The following ULK4 variants were observed in gnomAD, a reference collection of about 807,000 sequenced individuals.
The protein encoded by ULK4 is inactive serine/threonine-protein kinase ULK4.
In ULK4, 133 loss-of-function variants were observed where a neutral mutation model predicts 160.6. That is an observed-to-expected ratio of 0.83 (90% CI 0.72 to 0.96). ULK4 has a LOEUF of 0.96. Ranked by LOEUF, ULK4 falls within the 40% of genes least tolerant of loss-of-function variation. ULK4 has a pLI of 0.00. For synonymous variants in ULK4, 534 were observed against 539.8 expected (o/e 0.99, Z 0.15); for missense variants, 1,580 against 1,499.5 (o/e 1.05, Z -0.89).
At chr3:41,523,129 G>C (rs1049977341) in intron 32 of ULK4, among the ~76,000 whole-genome samples, 2 of 151,922 alleles carry the variant, frequency 1.3e-5, no homozygotes, top group African/African-American at 2.4e-5. Context: ...GGCTGGTCAC[G>C]AACTCCTGAC....
intron 19 of ULK4, among the ~76,000 whole-genome samples, chr3:41,817,090 G>GTGTGTA (rs1017828702): frequency 6.6e-6 from 1 of 151,476 alleles, no homozygotes; most frequent in African/African-American, 2.4e-5. Context: ...GTGTGTGTGT[G>GTGTGTA]TACTCACGCA....
intron 31 of ULK4, among the ~76,000 whole-genome samples, chr3:41,583,225 A>G (rs947488249): frequency 6.6e-6 from 1 of 152,218 alleles, no homozygotes; most frequent in African/African-American, 2.4e-5. Flanking sequence ...AATGATGGAA[A>G]TAGTAAGAAA....
chr3:41,371,504 G>A (rs916507453), intron 35 of ULK4, among the ~76,000 whole-genome samples: 1 of 152,174 alleles, frequency 6.6e-6, no homozygotes, highest in East Asian at 1.9e-4. Context: ...CAGGCAAACA[G>A]GGTCTGAAGT....
At chr3:41,337,089 GACTA>G (rs1415677503) in intron 35 of ULK4, among the ~76,000 whole-genome samples, 3 of 152,160 alleles carry the variant, frequency 2.0e-5, no homozygotes, top group Admixed American at 6.5e-5. Flanking sequence ...GGCTCAGAGA[GACTA>G]CATGCCGCAT....
intron 18 of ULK4, among the ~76,000 whole-genome samples, chr3:41,829,503 T>G (rs1193630050): frequency 5.3e-5 from 8 of 152,032 alleles, no homozygotes; most frequent in African/African-American, 1.9e-4. Context: ...CAGACTCTTC[T>G]CAAAAGAAGA....
intron 2 of ULK4, among the ~76,000 whole-genome samples, chr3:41,938,630 T>C (rs1439858207): frequency 6.6e-6 from 1 of 152,116 alleles, no homozygotes; most frequent in Non-Finnish European, 1.5e-5. Flanking sequence ...TGCAGGGTGC[T>C]GAGACTGCGC....
At chr3:41,810,234 C>A (rs377182857) in intron 19 of ULK4, among the ~76,000 whole-genome samples, 4 of 152,108 alleles carry the variant, frequency 2.6e-5, no homozygotes, top group Non-Finnish European at 5.9e-5. Context: ...TGTTTTATTT[C>A]TTTCATGTGT....
chr3:41,794,660 C>CAAAAAAAAAAAAAAAA lies in ULK4; in HGVS notation c.2011-4833_2011-4818dup, dbSNP rs71075484. 5.2e-3 allele frequency among the ~76,000 whole-genome samples: 98 copies of CAAAAAAAAAAAAAAAA among 18,982 alleles called. 6 individuals carry two copies. The highest frequency in any genetic ancestry group is 6.7e-3 in the Non-Finnish European group (71 of 10,634). The allele number at this position is 18,982 out of a possible 152,430, so 12.5% of individuals were successfully genotyped here. ...TGGGTGACAGAGCAAGACTCTGTCT[C>CAAAAAAAAAAAAAAAA]AAAAAAAAAAAAAAAAAAAAAAAAA... On this transcript the variant is annotated intron_variant, in intron 20 of 36. Coordinates refer to ENST00000301831, the MANE Select transcript of ULK4 (RefSeq NM_017886.4).
At chr3:41,334,940 A>G (rs1236715090) in intron 35 of ULK4, among the ~76,000 whole-genome samples, 2 of 152,220 alleles carry the variant, frequency 1.3e-5, no homozygotes, top group African/African-American at 4.8e-5. Context: ...AGGGGAAGGG[A>G]CTGCCAAAAT....
At chr3:41,872,209 A>G (rs1341031124) in intron 17 of ULK4, among the ~76,000 whole-genome samples, 1 of 152,120 alleles carries the variant, frequency 6.6e-6, no homozygotes, top group African/African-American at 2.4e-5. Flanking sequence ...GCCCCTCTTT[A>G]CTTGGTGAGA....
intron 31 of ULK4, among the ~76,000 whole-genome samples, chr3:41,599,567 T>G (rs2031920393): frequency 7.0e-6 from 1 of 142,076 alleles, no homozygotes; most frequent in Non-Finnish European, 1.5e-5. Context: ...TTCTTTTTCT[T>G]TTTTTTTTTT....
intron 32 of ULK4, among the ~76,000 whole-genome samples, chr3:41,546,605 G>A (rs536438642): frequency 9.2e-5 from 14 of 152,038 alleles, no homozygotes; most frequent in Non-Finnish European, 1.3e-4. Flanking sequence ...GGAAAACTCC[G>A]ATGTAGGTTT....
chr3:41,905,800 C>T (rs1449208625), intron 12 of ULK4, among the ~76,000 whole-genome samples: 7 of 152,112 alleles, frequency 4.6e-5, no homozygotes, highest in Admixed American at 4.6e-4. Context: ...ACTAGCTGGG[C>T]GCGGTGGCTC....
intron 2 of ULK4, among the ~76,000 whole-genome samples, chr3:41,948,777 A>T (rs1326916475): frequency 6.6e-6 from 1 of 151,850 alleles, no homozygotes; most frequent in East Asian, 1.9e-4. Flanking sequence ...ATCTCAACAT[A>T]ATAAAAGTCA....
At chr3:41,420,383 G>A (rs767925473) in intron 34 of ULK4, among the ~76,000 whole-genome samples, 11 of 150,086 alleles carry the variant, frequency 7.3e-5, no homozygotes, top group Non-Finnish European at 1.3e-4. Flanking sequence ...AAGTAATCAT[G>A]ACTTGTATTT....
chr3:41,933,141 A>G (rs1371662303), intron 4 of ULK4, among the ~76,000 whole-genome samples: 1 of 152,230 alleles, frequency 6.6e-6, no homozygotes, highest in African/African-American at 2.4e-5. Flanking sequence ...AGTGGCTTTT[A>G]AACTTGTGTG....
At chr3:41,879,858 T>C (rs1697445688) in intron 17 of ULK4, among the ~76,000 whole-genome samples, 1 of 152,212 alleles carries the variant, frequency 6.6e-6, no homozygotes, top group Non-Finnish European at 1.5e-5. Context: ...GGCTCATGCC[T>C]GTAATCCCAG....
chr3:41,844,312 C>G (rs2042011000), intron 17 of ULK4, among the ~76,000 whole-genome samples: 1 of 152,166 alleles, frequency 6.6e-6, no homozygotes, highest in South Asian at 2.1e-4. Context: ...GAGCCCTGCC[C>G]CATGGGAAGG....
chr3:41,423,238 G>A (rs766742018), intron 34 of ULK4, among the ~76,000 whole-genome samples: 11 of 152,164 alleles, frequency 7.2e-5, no homozygotes, highest in Non-Finnish European at 1.5e-4. Flanking sequence ...GTGGAGTCAC[G>A]ACAGAGGAAG....
Sources: gnomAD v4.1 joint callset for allele counts (sites outside exome capture counted in the v4.1 genomes callset) on GRCh38, gnomAD v4.1.1 for gene constraint, MANE v1.5 for transcripts, NCBI Gene and HGNC (gene_info 2026-07-23, HGNC 2026-07-21) for gene names.